TMEM45B: variants seen among roughly 807,000 people sequenced by gnomAD.
TMEM45B encodes the protein transmembrane protein 45B.
A neutral mutation model predicts 27.3 loss-of-function variants in TMEM45B; 29 were observed. The ratio of observed to expected loss-of-function variants is 1.06; its 90% CI spans 0.79 to 1.45. TMEM45B has a LOEUF of 1.45. TMEM45B is among the 40% of genes most tolerant of loss of function. The probability of loss-of-function intolerance (pLI) is 0.00; values close to 1 mark genes in which losing one functional copy is unlikely to be tolerated. For synonymous variants in TMEM45B, 143 were observed against 134.7 expected, an observed-to-expected ratio of 1.06 and a Z score of -0.43; for missense variants, 348 against 343.9, an observed-to-expected ratio of 1.01 and a Z score of -0.09.
intron 1 of TMEM45B, among the ~76,000 whole-genome samples, chr11:129,822,345 C>T (rs1947428950): frequency 6.6e-6 from 1 of 152,136 alleles, no homozygotes; most frequent in Non-Finnish European, 1.5e-5. Context: ...TTTAATGTTG[C>T]TTTTGGCCTG....
intron 1 of TMEM45B, among the ~76,000 whole-genome samples, chr11:129,849,772 C>T (rs1157557438): frequency 6.6e-6 from 1 of 152,134 alleles, no homozygotes; most frequent in African/African-American, 2.4e-5. Context: ...CCTGAGGTGG[C>T]CCTAGGCAGT....
chr11:129,854,706 T>C lies in TMEM45B; in HGVS notation c.275T>C (p.Met92Thr). The change falls in exon 3 of 6, where the codon ATG (methionine) becomes ACG (threonine). Residue 92 changes from methionine (M) to threonine (T), a missense_variant. Coordinates refer to ENST00000281441, the MANE Select transcript of TMEM45B (RefSeq NM_138788.5). ...TTAATGAATTGGCAGCACAGCACCATGTACCTATTCTTTGCAGTCTCAGGA... is the reference window on the plus strand; with the variant it reads ...TTAATGAATTGGCAGCACAGCACCACGTACCTATTCTTTGCAGTCTCAGGA... ...IKLMNWQHST[M>T]YLFFAVSGIV... 1.9e-6 allele frequency: 3 copies of C among 1,614,250 alleles called. No homozygotes were observed. Among genetic ancestry groups the C allele is most frequent in the Non-Finnish European group, 2.5e-6 (3 of 1,180,044 alleles).
At chr11:129,838,074 G>A (rs777362184) in intron 1 of TMEM45B, among the ~76,000 whole-genome samples, 6 of 152,078 alleles carry the variant, frequency 3.9e-5, no homozygotes, top group African/African-American at 1.2e-4. Flanking sequence ...GAGCCACCGC[G>A]TGCAGCCCCC....
chr11:129,816,809 A>C (rs958680844), intron 1 of TMEM45B, among the ~76,000 whole-genome samples: 3 of 126,994 alleles, frequency 2.4e-5, no homozygotes, highest in African/African-American at 3.0e-5. Context: ...GCAATCTCGG[A>C]TCACTGCAAG....
Position 129,847,559 on chromosome 11 carries a change from G to A in TMEM45B, c.-8-4916G>A, listed in dbSNP as rs548913425. 5.2e-3 allele frequency among the ~76,000 whole-genome samples: 787 copies of A among 150,358 alleles called. 12 individuals are homozygous for A. The highest frequency in any genetic ancestry group is 0.018 in the African/African-American group (720 of 40,418). ...CCTAGGCAGAGTGTGTGTGTCCCTGGGTACTTGAGATTAGGGAGTGGTGAT... is the reference window on the plus strand; with the variant it reads ...CCTAGGCAGAGTGTGTGTGTCCCTGAGTACTTGAGATTAGGGAGTGGTGAT... On this transcript the variant is annotated intron_variant, in intron 1 of 5. Coordinates refer to ENST00000281441, the MANE Select transcript of TMEM45B (RefSeq NM_138788.5).
intron 1 of TMEM45B, among the ~76,000 whole-genome samples, chr11:129,821,291 G>A (rs1947416733): frequency 6.6e-6 from 1 of 152,126 alleles, no homozygotes; most frequent in South Asian, 2.1e-4. Context: ...GCATGGAGCT[G>A]TTGAGTGGGG....
chr11:129,844,555 C>T (rs1207063961), intron 1 of TMEM45B, among the ~76,000 whole-genome samples: 7 of 152,108 alleles, frequency 4.6e-5, no homozygotes, highest in Admixed American at 3.3e-4. Flanking sequence ...GGCGTGGTGG[C>T]CTGCACCTGT....
intron 1 of TMEM45B, among the ~76,000 whole-genome samples, chr11:129,830,001 G>A (rs1420683327): frequency 6.6e-6 from 1 of 152,184 alleles, no homozygotes; most frequent in Non-Finnish European, 1.5e-5. Context: ...AATAAAGTTG[G>A]ATCCCTACCT....
In TMEM45B at chr11:129,859,260, T is replaced by C. The variant is rs1160824595; in HGVS notation, c.*575T>C. ...AACTAATCATACCAGGGTACTGCAATACCACTGTTTATAAGTGACAAAATT... is the reference window on the plus strand; with the variant it reads ...AACTAATCATACCAGGGTACTGCAACACCACTGTTTATAAGTGACAAAATT... On this transcript the variant is annotated 3_prime_UTR_variant, in exon 6 of 6. Transcript: ENST00000281441. 1 of 152,208 alleles carries C rather than the reference T, an allele frequency of 6.6e-6. No individual in the cohort carries two copies. The highest frequency in any genetic ancestry group is 1.5e-5 in the Non-Finnish European group (1 of 68,034). 9.4% of individuals were successfully genotyped at this position (152,208 alleles called of 1,614,324 possible). A position where few individuals can be genotyped will look rare whatever the true frequency, so the allele number is the denominator to read the frequency against.
At chr11:129,819,593 T>C (rs145825636) in intron 1 of TMEM45B, among the ~76,000 whole-genome samples, 83 of 152,212 alleles carry the variant, frequency 5.5e-4, no homozygotes, top group Non-Finnish European at 9.9e-4. Flanking sequence ...TTTCTTTCTT[T>C]TGACTCAGAG....
intron 1 of TMEM45B, among the ~76,000 whole-genome samples, chr11:129,830,675 C>T (rs1014341529): frequency 1.3e-5 from 2 of 152,124 alleles, no homozygotes; most frequent in South Asian, 2.1e-4. Context: ...TTTGAGTAGG[C>T]ATTTCTCCAT....
In TMEM45B at chr11:129,857,451, G is replaced by T; in HGVS notation, c.709G>T (p.Val237Phe). The change falls in exon 5 of 6, where the codon GTT (valine) becomes TTT (phenylalanine). Residue 237 changes from valine (V) to phenylalanine (F), a missense_variant. Val to Phe is a conservative substitution (Grantham distance 50). Transcript: ENST00000281441. ...LSIVAVNYSL[V>F]YCLLTRMKRH... Reference sequence around the variant, plus strand: ...CATTGTGGCCGTCAACTATTCTCTTGTTTACTGGTATGTCTGAGACTTCAG... The same window carrying T: ...CATTGTGGCCGTCAACTATTCTCTTTTTTACTGGTATGTCTGAGACTTCAG... The T allele has an allele frequency of 3.1e-6, 5 of 1,614,120 alleles. No homozygotes were observed. The highest frequency in any genetic ancestry group is 4.2e-6 in the Non-Finnish European group (5 of 1,180,020).
intron 1 of TMEM45B, among the ~76,000 whole-genome samples, chr11:129,851,050 C>G (rs1481594538): frequency 1.3e-5 from 2 of 152,188 alleles, no homozygotes; most frequent in Non-Finnish European, 2.9e-5. Flanking sequence ...TTATAAAGAA[C>G]AACAATTTAT....
intron 1 of TMEM45B, among the ~76,000 whole-genome samples, chr11:129,823,889 T>C (rs1008896706): frequency 6.6e-6 from 1 of 152,216 alleles, no homozygotes; most frequent in African/African-American, 2.4e-5. Context: ...TGTAGTGCCC[T>C]TCCCTTCCTT....
chr11:129,854,529 C>T, intron 2 of TMEM45B, 81 bp from the exon 3 acceptor site: 3 of 1,443,734 alleles, frequency 2.1e-6, no homozygotes, highest in Middle Eastern at 2.2e-4. Context: ...CCGCTTCGCT[C>T]ATGCCTTTGG....
intron 4 of TMEM45B, among the ~76,000 whole-genome samples, chr11:129,856,118 C>T (rs74508493): frequency 0.076 from 11,529 of 152,204 alleles, 479 homozygotes; most frequent in Non-Finnish European, 0.092. Flanking sequence ...AAAGCATGCA[C>T]GGTGACGTTC....
intron 1 of TMEM45B, among the ~76,000 whole-genome samples, chr11:129,820,775 T>C (rs984365276): frequency 6.6e-6 from 1 of 152,230 alleles, no homozygotes; most frequent in African/African-American, 2.4e-5. Context: ...CATAAATCAA[T>C]GTATAGTCTT....
chr11:129,845,874 C>G (rs1356139646), intron 1 of TMEM45B, among the ~76,000 whole-genome samples: 1 of 152,104 alleles, frequency 6.6e-6, no homozygotes, highest in East Asian at 1.9e-4. Context: ...GGAAAAGCCT[C>G]TTCTGGAAGC....
At chr11:129,855,524 C>G (rs1246385199) in intron 3 of TMEM45B, among the ~76,000 whole-genome samples, 184 bp from the exon 4 acceptor site, 1 of 152,148 alleles carries the variant, frequency 6.6e-6, no homozygotes, top group Non-Finnish European at 1.5e-5. Context: ...AGATACAATC[C>G]CTTGCTGCTT....
Sources: allele counts gnomAD v4.1 joint callset (sites outside exome capture counted in the v4.1 genomes callset), GRCh38; gene constraint gnomAD v4.1.1; transcripts MANE v1.5; gene names NCBI Gene and HGNC (gene_info 2026-07-23, HGNC 2026-07-21).